The following COL25A1 variants were observed in gnomAD, a reference collection of about 807,000 sequenced individuals.
COL25A1 encodes collagen type XXV alpha 1 chain.
COL25A1 carries 103 observed loss-of-function variants against 128.4 expected under a neutral mutation model. The ratio of observed to expected loss-of-function variants is 0.80; its 90% CI spans 0.68 to 0.94. The LOEUF is 0.94. Ranked by LOEUF, COL25A1 falls within the 40% of genes least tolerant of loss-of-function variation. COL25A1 has a pLI of 0.00. For missense variants in COL25A1, 745 were observed against 840.0 expected (o/e 0.89, Z 1.40); for synonymous variants, 279 against 277.2 (o/e 1.01, Z -0.06).
chr4:108,965,970 T>C (rs1196518887), intron 8 of COL25A1, among the ~76,000 whole-genome samples: 1 of 152,176 alleles, frequency 6.6e-6, no homozygotes, highest in Non-Finnish European at 1.5e-5. Flanking sequence ...ATAAGCAAGA[T>C]CTTGATATGC....
chr4:108,943,180 G>A (rs894287004), intron 8 of COL25A1, among the ~76,000 whole-genome samples: 1 of 152,156 alleles, frequency 6.6e-6, no homozygotes, highest in Non-Finnish European at 1.5e-5. Flanking sequence ...AGCATTTCTG[G>A]AATCTTACTT....
chr4:109,216,081 C>T (rs1352861212), intron 3 of COL25A1, among the ~76,000 whole-genome samples: 1 of 151,984 alleles, frequency 6.6e-6, no homozygotes, highest in African/African-American at 2.4e-5. Context: ...TTTTATTGAT[C>T]TTTGTAAAAA....
intron 3 of COL25A1, among the ~76,000 whole-genome samples, chr4:109,207,338 C>T (rs1777092902): frequency 6.6e-6 from 1 of 152,034 alleles, no homozygotes; most frequent in Non-Finnish European, 1.5e-5. Context: ...GGCGGGGGAG[C>T]TTTAACATCT....
At chr4:109,197,182 C>T (rs1348831999) in intron 3 of COL25A1, among the ~76,000 whole-genome samples, 1 of 149,832 alleles carries the variant, frequency 6.7e-6, no homozygotes, top group Non-Finnish European at 1.5e-5. Context: ...AAGAATTAGC[C>T]AGGTGTGGCG....
chr4:109,020,641 T>C lies in COL25A1; in HGVS notation c.421-10266A>G, dbSNP rs1757647635. Among the ~76,000 whole-genome samples the C allele has an allele frequency of 2.6e-5, 4 of 152,186 alleles. No individual in the cohort carries two copies. In the South Asian group the frequency reaches 8.3e-4, roughly 31 times the overall value. On this transcript the variant is annotated intron_variant, in intron 5 of 37. Coordinates refer to ENST00000399132, the MANE Select transcript of COL25A1 (RefSeq NM_198721.4). Reference sequence around the variant, plus strand: ...TAAACAGGTTGACAAGTTGTCACATTAATTTTAAAATATTATATTTTCTAA... The same window carrying C: ...TAAACAGGTTGACAAGTTGTCACATCAATTTTAAAATATTATATTTTCTAA...
At chr4:108,874,138 G>T (rs1739147051) in intron 19 of COL25A1, among the ~76,000 whole-genome samples, 1 of 152,198 alleles carries the variant, frequency 6.6e-6, no homozygotes, top group Admixed American at 6.5e-5. Flanking sequence ...GGAAGAAGGC[G>T]GGAGGAAGCA....
chr4:108,916,890 T>C (rs1212993591), intron 13 of COL25A1, among the ~76,000 whole-genome samples: 1 of 152,164 alleles, frequency 6.6e-6, no homozygotes, highest in Non-Finnish European at 1.5e-5. Flanking sequence ...CCATAAGCTT[T>C]GGCTGAGAAC....
chr4:109,113,023 C>T (rs755754557), intron 3 of COL25A1, among the ~76,000 whole-genome samples: 48 of 152,038 alleles, frequency 3.2e-4, no homozygotes, highest in Non-Finnish European at 4.9e-4. Context: ...GAATCAGCAG[C>T]GGTGGCAGTA....
At chr4:108,996,366 A>G (rs1290380343) in intron 6 of COL25A1, among the ~76,000 whole-genome samples, 5 of 152,140 alleles carry the variant, frequency 3.3e-5, no homozygotes, top group South Asian at 2.1e-4. Flanking sequence ...ACAAAGATCA[A>G]AAGAGACAAG....
chr4:108,987,842 C>T (rs754231799), intron 6 of COL25A1, among the ~76,000 whole-genome samples: 1 of 152,208 alleles, frequency 6.6e-6, no homozygotes, highest in Non-Finnish European at 1.5e-5. Context: ...CTATAGCAAT[C>T]ATTGATGACT....
chr4:108,880,727 C>T (rs1053166461), intron 19 of COL25A1, among the ~76,000 whole-genome samples: 4 of 152,084 alleles, frequency 2.6e-5, no homozygotes, highest in African/African-American at 9.7e-5. Context: ...TGATAAGGGG[C>T]GGACAAGGAT....
intron 3 of COL25A1, among the ~76,000 whole-genome samples, chr4:109,186,675 AC>A (rs1181755405): frequency 6.6e-6 from 1 of 152,218 alleles, no homozygotes; most frequent in African/African-American, 2.4e-5. Flanking sequence ...CAGGATCACT[AC>A]AAAAAGAGAC....
At chr4:109,022,976 G>A (rs1385181466) in intron 5 of COL25A1, among the ~76,000 whole-genome samples, 2 of 152,130 alleles carry the variant, frequency 1.3e-5, no homozygotes, top group East Asian at 3.9e-4. Flanking sequence ...TCAAGAATGT[G>A]AGCACCATAC....
intron 3 of COL25A1, among the ~76,000 whole-genome samples, chr4:109,216,163 G>A (rs1374629065): frequency 6.6e-6 from 1 of 152,048 alleles, no homozygotes; most frequent in Non-Finnish European, 1.5e-5. Flanking sequence ...CATGAGATCA[G>A]GAACTTTGTG....
At chr4:108,887,491 G>A (rs1740972136) in intron 18 of COL25A1, among the ~76,000 whole-genome samples, 1 of 152,260 alleles carries the variant, frequency 6.6e-6, no homozygotes, top group South Asian at 2.1e-4. Context: ...GTGGGAAAGT[G>A]GGATTGTATC....
At chr4:109,221,653 G>A (rs74548687) in intron 3 of COL25A1, among the ~76,000 whole-genome samples, 13,196 of 152,104 alleles carry the variant, frequency 0.087, 1,191 homozygotes, top group African/African-American at 0.23. Context: ...TACTACTTTT[G>A]AGTATCAGAT....
At chr4:108,910,339 C>G (rs1285543543) in intron 13 of COL25A1, among the ~76,000 whole-genome samples, 1 of 152,154 alleles carries the variant, frequency 6.6e-6, no homozygotes, top group Non-Finnish European at 1.5e-5. Context: ...TACTGATACT[C>G]ACTTGGACAC....
intron 6 of COL25A1, among the ~76,000 whole-genome samples, chr4:109,003,505 T>C (rs1424341112): frequency 6.6e-6 from 1 of 152,220 alleles, no homozygotes; most frequent in African/African-American, 2.4e-5. Context: ...TTACTTCTAG[T>C]TTGAAATATA....
chr4:108,943,497 G>A lies in COL25A1; in HGVS notation c.493-2060C>T, dbSNP rs1340105427. On this transcript the variant is annotated intron_variant, in intron 8 of 37. Coordinates refer to ENST00000399132, the MANE Select transcript of COL25A1 (RefSeq NM_198721.4). Reference sequence around the variant, plus strand: ...CTCTCCTGTTTCAGGAATTCATGCAGAGGTGGTGGATGAAAATCTGTCTCT... The same window carrying A: ...CTCTCCTGTTTCAGGAATTCATGCAAAGGTGGTGGATGAAAATCTGTCTCT... 2.0e-5 allele frequency among the ~76,000 whole-genome samples: 3 copies of A among 152,158 alleles called. No individual in the cohort carries two copies. The East Asian group carries it at 5.8e-4, about 29-fold the overall frequency.
Sources: allele counts gnomAD v4.1 joint callset (sites outside exome capture counted in the v4.1 genomes callset), GRCh38; gene constraint gnomAD v4.1.1; transcripts MANE v1.5; gene names NCBI Gene and HGNC (gene_info 2026-07-23, HGNC 2026-07-21).